CR2: variants seen among roughly 807,000 people sequenced by gnomAD.
CR2 encodes complement C3d receptor 2, also known as complement receptor type 2.
CR2 carries 96 observed loss-of-function variants against 123.0 expected under a neutral mutation model. The observed-to-expected ratio is 0.78, with a 90% CI of 0.66 to 0.93. The LOEUF (loss-of-function observed/expected upper bound fraction) is 0.93. Among genes scored for constraint, CR2 ranks in the 40% least tolerant of loss-of-function variants. The pLI is 0.00. For synonymous variants in CR2, 484 were observed against 469.5 expected, an observed-to-expected ratio of 1.03 and a Z score of -0.40; for missense variants, 1,258 against 1,361.0, an observed-to-expected ratio of 0.92 and a Z score of 1.19.
chr1:207,474,135 C>G (rs920753652), intron 12 of CR2, 106 bp from the exon 13 acceptor site: 30 of 1,050,360 alleles, frequency 2.9e-5, no homozygotes, highest in African/African-American at 8.0e-5. Flanking sequence ...ACTAGAATTT[C>G]AACTCCTCTC....
In CR2 at chr1:207,473,693, T is replaced by A. The variant is rs762537434; in HGVS notation, c.2127T>A (p.Asn709Lys). Residue 709 changes from asparagine to lysine, a missense_variant, in exon 11 of 20, where the codon AAT (asparagine) becomes AAA (lysine). Transcript: ENST00000367057. The part of the protein sequence containing the change: ...NKSIHCMPSG[N>K]WSPSAPRCEE... The stretch of plus-strand genomic sequence containing the variant: ...CCATTCACTGTATGCCTTCAGGAAA[T>A]TGGAGTCCTTCTGCCCCACGGTGTG... The A allele has an allele frequency of 8.7e-6, 14 of 1,613,866 alleles. No individual in the cohort carries two copies. Among genetic ancestry groups the A allele is most frequent in the Non-Finnish European group, 1.2e-5 (14 of 1,179,896 alleles).
At chr1:207,479,899 G>A (rs1658556042) in intron 17 of CR2, 79 bp from the exon 18 acceptor site, 2 of 1,025,798 alleles carry the variant, frequency 1.9e-6, no homozygotes, top group East Asian at 2.4e-5. Context: ...CCCACCACTA[G>A]CAATAGGCCC....
chr1:207,472,038 A>AC, intron 9 of CR2: 1 of 183,010 alleles, frequency 5.5e-6, no homozygotes, highest in South Asian at 1.2e-4. Flanking sequence ...TCACAAGGTC[A>AC]GGAGATCAAG....
intron 17 of CR2, among the ~76,000 whole-genome samples, 165 bp from the exon 18 acceptor site, chr1:207,479,813 T>G (rs924346712): frequency 2.6e-5 from 4 of 152,172 alleles, no homozygotes; most frequent in Non-Finnish European, 5.9e-5. Flanking sequence ...AGAAAAACCT[T>G]AAGCTCAACT....
At chr1:207,484,811 A>T (rs536727499) in intron 18 of CR2, among the ~76,000 whole-genome samples, 19 of 152,362 alleles carry the variant, frequency 1.2e-4, no homozygotes, top group African/African-American at 4.3e-4. Context: ...TTCTCTTCAA[A>T]CTCGTTTAAA....
At chr1:207,476,480 A>G in intron 15 of CR2, 61 bp downstream of exon 15, 1 of 1,473,520 alleles carries the variant, frequency 6.8e-7, no homozygotes, top group Non-Finnish European at 9.3e-7. Flanking sequence ...AGATATATTC[A>G]GTTGGGTACT....
chr1:207,488,525 G>A (rs1658808310), intron 19 of CR2, among the ~76,000 whole-genome samples: 1 of 152,202 alleles, frequency 6.6e-6, no homozygotes, highest in African/African-American at 2.4e-5. Flanking sequence ...TCGGGAGGCT[G>A]AGGCAGGAGA....
chr1:207,473,192 TA>T lies in CR2; in HGVS notation c.1978+15del. The stretch of plus-strand genomic sequence containing the variant: ...GTTTGTGAAAAAGGTAAAAACCCAA[TA>T]AGGGGGAAAAAAGGAGAGATTTACT... On this transcript the variant is annotated intron_variant, in intron 10 of 19. Coordinates refer to ENST00000367057, the MANE Select transcript of CR2 (RefSeq NM_001006658.3). The T allele has an allele frequency of 6.2e-7, 1 of 1,612,614 alleles. No individual in the cohort carries two copies. The highest frequency in any genetic ancestry group is 8.5e-7 in the Non-Finnish European group (1 of 1,179,616).
Position 207,473,642 on chromosome 1 carries a change from T to C in CR2, c.2076T>C (p.Pro692=), listed in dbSNP as rs199971435. The change falls in exon 11 of 20, where the codon CCT becomes CCC. Residue 692 remains proline (P), a synonymous_variant. Coordinates refer to ENST00000367057, the MANE Select transcript of CR2 (RefSeq NM_001006658.3). ...SGMTVDYTCD[P]GYLLVGNKSI... ...TGACTGTAGACTACACTTGTGACCC[T>C]GGCTATTTGCTTGTGGGAAACAAAT... The C allele has an allele frequency of 1.2e-6, 2 of 1,614,080 alleles. No individual in the cohort carries two copies. The highest frequency in any genetic ancestry group is 4.5e-5 in the East Asian group (2 of 44,894).
chr1:207,474,369 G>C (rs779115043), intron 13 of CR2, 46 bp downstream of exon 13: 1 of 1,365,172 alleles, frequency 7.3e-7, no homozygotes, highest in South Asian at 1.2e-5. Flanking sequence ...TGGAGGATTA[G>C]AGAGGGCAGG....
rs1217284402 is a variant in CR2, at chr1:207,469,951, A to T, written c.1074A>T (p.Arg358Ser). The change falls in exon 6 of 20, where the codon AGA becomes AGT. Residue 358 changes from arginine to serine, a missense_variant. Transcript: ENST00000367057. The part of the protein sequence containing the change: ...AVQCPHPQIL[R>S]GRMVSGQKDR... ...AGTGTCCACATCCCCAGATCCTAAGAGGCCGAATGGTATCTGGGCAGAAAG... is the reference window on the plus strand; with the variant it reads ...AGTGTCCACATCCCCAGATCCTAAGTGGCCGAATGGTATCTGGGCAGAAAG... 1 of 1,613,842 alleles carries T rather than the reference A, an allele frequency of 6.2e-7. No homozygotes were observed. The highest frequency in any genetic ancestry group is 1.1e-5 in the South Asian group (1 of 91,080).
intron 17 of CR2, among the ~76,000 whole-genome samples, 153 bp from the exon 18 acceptor site, chr1:207,479,825 T>A (rs1212461182): frequency 1.3e-5 from 2 of 152,190 alleles, no homozygotes; most frequent in Non-Finnish European, 2.9e-5. Flanking sequence ...AGCTCAACTA[T>A]GATTATTCAG....
chr1:207,470,045 C>T lies in CR2; in HGVS notation c.1168C>T (p.Gln390Ter). Residue 390 changes from glutamine (Q) to a stop codon, truncating the protein, a stop_gained, in exon 6 of 20, where the codon CAA becomes TAA. Transcript: ENST00000367057. LOFTEE classifies it high-confidence loss of function. ...MFGFTLKGSK[Q>*]IRCNAQGTWE... is the part of the protein sequence containing the mutation. ...TGGCTTCACCTTGAAGGGCAGCAAG[C>T]AAATCCGATGCAATGCCCAAGGCAC... 1 of 1,613,950 alleles carries T rather than the reference C, an allele frequency of 6.2e-7. No individual in the cohort carries two copies. The highest frequency in any genetic ancestry group is 8.5e-7 in the Non-Finnish European group (1 of 1,179,904).
At chr1:207,485,695 AT>A in intron 19 of CR2, 123 bp downstream of exon 19, 1 of 671,812 alleles carries the variant, frequency 1.5e-6, no homozygotes, top group Non-Finnish European at 2.7e-6. Context: ...GTCTTCAGTA[AT>A]CATGCATAGC....
intron 1 of CR2, among the ~76,000 whole-genome samples, chr1:207,462,365 G>T (rs913233294): frequency 6.6e-6 from 1 of 152,160 alleles, no homozygotes; most frequent in Middle Eastern, 3.2e-3. Flanking sequence ...AACAGCATTT[G>T]CAAAAGCATA....
At chr1:207,475,970 C>T (rs1034493102) in intron 14 of CR2, among the ~76,000 whole-genome samples, 3 of 152,172 alleles carry the variant, frequency 2.0e-5, no homozygotes, top group Non-Finnish European at 4.4e-5. Flanking sequence ...AAACTGTTGG[C>T]TGATGGATTA....
intron 1 of CR2, among the ~76,000 whole-genome samples, chr1:207,455,388 T>C (rs1657808541): frequency 6.6e-6 from 1 of 152,232 alleles, no homozygotes; most frequent in Admixed American, 6.5e-5. Flanking sequence ...TCCACCTCAC[T>C]GAGCTGCCCT....
Position 207,468,898 on chromosome 1 carries a change from G to T in CR2, c.733G>T (p.Gly245Trp). The T allele has an allele frequency of 1.9e-6, 3 of 1,613,430 alleles. No individual in the cohort carries two copies. Among genetic ancestry groups the T allele is most frequent in the South Asian group, 1.1e-5 (1 of 91,066 alleles). Residue 245 changes from glycine (G) to tryptophan (W), a missense_variant and splice_region_variant, in exon 4 of 20, where the codon GGG (glycine) becomes TGG (tryptophan). Physicochemically the swap from Gly to Trp is radical, Grantham distance 184. Transcript: ENST00000367057. Reference protein sequence around the residue: ...GVTANFFCDEGYRLQGPPSSR... With the variant: ...GVTANFFCDEWYRLQGPPSSR... ...AACTGCAAACTTTTTCTGTGATGAA[G>T]GGTGAGTGTCAGGATTATTTATGAG...
At position 207,475,069 on chromosome 1, in the gene CR2, A is replaced by C; in HGVS notation, c.2569A>C (p.Lys857Gln). The stretch of plus-strand genomic sequence containing the variant: ...TAATCCAGAAGTCAAACATGGGTAC[A>C]AGCTCAATAAAACACATTCTGCATA... ...CPNPEVKHGY[K>Q]LNKTHSAYSH... is the part of the protein sequence containing the mutation. Residue 857 changes from lysine to glutamine, a missense_variant, in exon 14 of 20, where the codon AAG becomes CAG. Transcript: ENST00000367057. 2.5e-6 allele frequency: 4 copies of C among 1,613,394 alleles called. No individual in the cohort carries two copies. Among genetic ancestry groups the C allele is most frequent in the Non-Finnish European group, 3.4e-6 (4 of 1,179,480 alleles).
Sources: allele counts gnomAD v4.1 joint callset (sites outside exome capture counted in the v4.1 genomes callset), GRCh38; gene constraint gnomAD v4.1.1; transcripts MANE v1.5; gene names NCBI Gene and HGNC (gene_info 2026-07-23, HGNC 2026-07-21).